Variants in ARIH2 observed in about 807,000 individuals in gnomAD.
ARIH2 encodes the protein ariadne RBR E3 ubiquitin protein ligase 2.
In ARIH2, 12 loss-of-function variants were observed where a neutral mutation model predicts 79.8. The ratio of observed to expected loss-of-function variants is 0.15; its 90% CI spans 0.10 to 0.24. The LOEUF (loss-of-function observed/expected upper bound fraction) is 0.24, where lower values mean the gene tolerates loss of function less well. ARIH2 is among the 10% of genes least tolerant of loss of function. The pLI is 1.00. For synonymous variants in ARIH2, 224 were observed against 213.9 expected, an observed-to-expected ratio of 1.05 and a Z score of -0.41; for missense variants, 301 against 618.3, an observed-to-expected ratio of 0.49 and a Z score of 5.44.
chr3:48,919,522 C>T (rs913818426), intron 1 of ARIH2: 6 of 200,674 alleles, frequency 3.0e-5, no homozygotes, highest in African/African-American at 9.2e-5. Context: ...GATGACTTCT[C>T]CTTAGTACTG....
chr3:48,959,315 CAA>C (rs572436218), intron 3 of ARIH2, among the ~76,000 whole-genome samples: 13 of 82,748 alleles, frequency 1.6e-4, no homozygotes, highest in Admixed American at 6.9e-4. Context: ...GACTCCATCT[CAA>C]AAAAAAAAAA....
chr3:48,926,197 A>G (rs969227441), intron 2 of ARIH2, among the ~76,000 whole-genome samples: 1 of 151,942 alleles, frequency 6.6e-6, no homozygotes, highest in African/African-American at 2.4e-5. Context: ...ATTAAGTAAC[A>G]TTTCGCTGTT....
chr3:48,968,511 A>G, intron 6 of ARIH2, 23 bp from the exon 7 acceptor site: 1 of 1,599,842 alleles, frequency 6.3e-7, no homozygotes. Flanking sequence ...ACCTGGCCCC[A>G]TCAGGTTGTT....
chr3:48,941,535 T>C (rs1212410841), intron 3 of ARIH2, among the ~76,000 whole-genome samples: 1 of 152,176 alleles, frequency 6.6e-6, no homozygotes, highest in Non-Finnish European at 1.5e-5. Flanking sequence ...CGCAGTGTTG[T>C]TCCTTTCCAT....
intron 3 of ARIH2, among the ~76,000 whole-genome samples, chr3:48,949,946 T>A (rs932075552): frequency 9.2e-5 from 14 of 152,096 alleles, no homozygotes; most frequent in African/African-American, 1.7e-4. Flanking sequence ...TTTCTTTTTT[T>A]AAAAAATTTT....
In ARIH2 at chr3:48,961,617, T is replaced by C. The variant is rs144199771; in HGVS notation, c.261T>C (p.Ser87=). 2.7e-5 allele frequency: 43 copies of C among 1,594,130 alleles called. No homozygotes were observed. The highest frequency in any genetic ancestry group is 3.7e-5 in the Non-Finnish European group (43 of 1,162,466). ...TTTTTCTTTCTTCTTTCTAGGTATC[T>C]CATTCAGTTGCTAAACTTATATTAG... is the stretch of plus-strand genomic sequence containing the variant. ...MTSLASVLKV[S]HSVAKLILVN... The change falls in exon 4 of 16, where the codon TCT becomes TCC. Residue 87 remains serine (S), a synonymous_variant. Transcript: ENST00000356401.
At chr3:48,961,535 T>C in intron 3 of ARIH2, 77 bp from the exon 4 acceptor site, 1 of 857,926 alleles carries the variant, frequency 1.2e-6, no homozygotes, top group East Asian at 2.5e-5. Flanking sequence ...GACATGAATG[T>C]ATACAGTTCT....
intron 3 of ARIH2, among the ~76,000 whole-genome samples, chr3:48,930,342 G>A (rs2086195842): frequency 6.6e-6 from 1 of 152,044 alleles, no homozygotes. Flanking sequence ...AATTAGCTGA[G>A]CGTGCTAGCA....
At chr3:48,963,060 T>G (rs1243829742) in intron 4 of ARIH2, among the ~76,000 whole-genome samples, 1 of 152,044 alleles carries the variant, frequency 6.6e-6, no homozygotes, top group Non-Finnish European at 1.5e-5. Flanking sequence ...GTAGAATTTA[T>G]CTACAGAGGA....
intron 3 of ARIH2, among the ~76,000 whole-genome samples, chr3:48,948,302 C>T (rs2089485550): frequency 1.4e-5 from 2 of 147,958 alleles, no homozygotes; most frequent in Non-Finnish European, 3.0e-5. Flanking sequence ...GAGTTTTGCT[C>T]TTGTTGCCCA....
chr3:48,956,439 CTTTTTTTTTTTT>C (rs34693818), intron 3 of ARIH2, among the ~76,000 whole-genome samples: 43 of 36,262 alleles, frequency 1.2e-3, no homozygotes, highest in South Asian at 3.6e-3. Flanking sequence ...GCGCCCGGCA[CTTTTTTTTTTTT>C]TTTTTTTTTT....
intron 3 of ARIH2, among the ~76,000 whole-genome samples, chr3:48,934,009 T>C (rs898292241): frequency 5.9e-5 from 9 of 152,206 alleles, no homozygotes; most frequent in Non-Finnish European, 8.8e-5. Context: ...TCTGCCATAC[T>C]CTTTTGTGAA....
chr3:48,950,405 A>G (rs1001679246), intron 3 of ARIH2, among the ~76,000 whole-genome samples: 17 of 152,296 alleles, frequency 1.1e-4, no homozygotes, highest in Admixed American at 3.3e-4. Context: ...GAAGTCCAGT[A>G]TCTCCACTGT....
chr3:48,947,750 T>C (rs1384470808), intron 3 of ARIH2, among the ~76,000 whole-genome samples: 1 of 152,164 alleles, frequency 6.6e-6, no homozygotes, highest in Non-Finnish European at 1.5e-5. Context: ...CGCCCTTTTA[T>C]TATGAAAAAT....
At chr3:48,958,645 G>C (rs1338273777) in intron 3 of ARIH2, among the ~76,000 whole-genome samples, 1 of 151,882 alleles carries the variant, frequency 6.6e-6, no homozygotes, top group African/African-American at 2.4e-5. Flanking sequence ...GGAGGCAGAG[G>C]TTGCAGTGAG....
chr3:48,968,676 G>C (rs745827009), intron 7 of ARIH2, 21 bp downstream of exon 7: 1 of 1,600,296 alleles, frequency 6.2e-7, no homozygotes, highest in Non-Finnish European at 8.5e-7. Context: ...CCTTTGTTCT[G>C]CCCTCTGTCT....
Position 48,964,906 on chromosome 3 carries a change from T to A in ARIH2, c.324-13T>A. On this transcript the variant is annotated splice_polypyrimidine_tract_variant and intron_variant, in intron 4 of 15. Coordinates refer to ENST00000356401, the MANE Select transcript of ARIH2 (RefSeq NM_006321.4). ...GCTTCTGATTGCCTTCATTTCTGCT[T>A]TTTGTTTTGTAGATACAAGTCCAAT... is the stretch of plus-strand genomic sequence containing the variant. 6.2e-7 allele frequency: 1 copy of A among 1,612,190 alleles called. No homozygotes were observed. Among genetic ancestry groups the A allele is most frequent in the Non-Finnish European group, 8.5e-7 (1 of 1,178,666 alleles).
intron 3 of ARIH2, among the ~76,000 whole-genome samples, chr3:48,958,265 G>A (rs1371621243): frequency 6.6e-6 from 1 of 152,124 alleles, no homozygotes; most frequent in Non-Finnish European, 1.5e-5. Flanking sequence ...TGGTTACAGT[G>A]AGATATGATC....
chr3:48,969,634 C>T (rs974333547), intron 7 of ARIH2, among the ~76,000 whole-genome samples: 3 of 151,726 alleles, frequency 2.0e-5, no homozygotes, highest in Non-Finnish European at 4.4e-5. Context: ...ACTACTGGCG[C>T]GCACCACCAA....
Sources: allele counts gnomAD v4.1 joint callset (sites outside exome capture counted in the v4.1 genomes callset), GRCh38; gene constraint gnomAD v4.1.1; transcripts MANE v1.5; gene names NCBI Gene and HGNC (gene_info 2026-07-23, HGNC 2026-07-21).